NRG3: variants seen among roughly 807,000 people sequenced by gnomAD.
The protein encoded by NRG3 is pro-neuregulin-3, membrane-bound isoform.
NRG3 carries 31 observed loss-of-function variants against 66.9 expected under a neutral mutation model. The observed-to-expected ratio is 0.46, with a 90% CI of 0.35 to 0.63. The LOEUF (loss-of-function observed/expected upper bound fraction) is 0.63, where lower values mean the gene tolerates loss of function less well. NRG3 is among the 20% of genes least tolerant of loss of function. The pLI is 0.00. For synonymous variants in NRG3, 393 were observed against 359.4 expected, an observed-to-expected ratio of 1.09 and a Z score of -1.06; for missense variants, 910 against 878.9, an observed-to-expected ratio of 1.04 and a Z score of -0.45.
At chr10:81,927,459 AT>A (rs1846917402) in intron 1 of NRG3, among the ~76,000 whole-genome samples, 1 of 152,220 alleles carries the variant, frequency 6.6e-6, no homozygotes, top group Non-Finnish European at 1.5e-5. Flanking sequence ...GATCAACTTA[AT>A]ATGCTAAAAA....
intron 3 of NRG3, among the ~76,000 whole-genome samples, chr10:82,755,623 G>T (rs2059045990): frequency 6.6e-6 from 1 of 152,070 alleles, no homozygotes; most frequent in Non-Finnish European, 1.5e-5. Flanking sequence ...GAGATAGGGA[G>T]AATTCTTCCA....
At chr10:82,107,943 T>C (rs561988746) in intron 1 of NRG3, among the ~76,000 whole-genome samples, 1 of 152,342 alleles carries the variant, frequency 6.6e-6, no homozygotes, top group Admixed American at 6.5e-5. Flanking sequence ...AGGGTACTTA[T>C]TAAATGAGGG....
intron 1 of NRG3, among the ~76,000 whole-genome samples, chr10:81,956,175 G>T (rs765411022): frequency 6.6e-6 from 1 of 152,120 alleles, no homozygotes; most frequent in Admixed American, 6.5e-5. Context: ...TACAGTAGAC[G>T]TGATGTTTGG....
chr10:82,022,171 G>A lies in NRG3; in HGVS notation c.823+146008G>A, dbSNP rs146250393. On this transcript the variant is annotated intron_variant, in intron 1 of 8. Transcript: ENST00000372141. ...AGATAAGCAAAATGTGCTTCAGGTC[G>A]TCAGGCCACGGTGATTATAATTTGG... is the stretch of plus-strand genomic sequence containing the variant. 6.6e-4 allele frequency among the ~76,000 whole-genome samples: 100 copies of A among 152,120 alleles called. 1 individual carries two copies. Among genetic ancestry groups the A allele is most frequent in the Middle Eastern group, 3.4e-3 (1 of 294 alleles).
intron 1 of NRG3, among the ~76,000 whole-genome samples, chr10:82,077,946 C>T (rs764445044): frequency 2.0e-5 from 3 of 152,168 alleles, no homozygotes; most frequent in African/African-American, 4.8e-5. Flanking sequence ...TTTCTTTAGG[C>T]GGCTTTTCTC....
chr10:82,461,853 G>A (rs1244944549), intron 2 of NRG3, among the ~76,000 whole-genome samples: 3 of 152,162 alleles, frequency 2.0e-5, no homozygotes, highest in Admixed American at 6.5e-5. Context: ...ATATTAGGCC[G>A]GGTGCAGTGG....
chr10:81,924,027 T>C (rs1366684298), intron 1 of NRG3, among the ~76,000 whole-genome samples: 1 of 152,156 alleles, frequency 6.6e-6, no homozygotes, highest in Non-Finnish European at 1.5e-5. Context: ...GTGAATGCAG[T>C]GGACAGGATA....
At chr10:82,286,913 A>G (rs2079449866) in intron 1 of NRG3, among the ~76,000 whole-genome samples, 1 of 152,188 alleles carries the variant, frequency 6.6e-6, no homozygotes, top group African/African-American at 2.4e-5. Flanking sequence ...ATAGGAAGAC[A>G]CAATCTTTGT....
Position 82,292,241 on chromosome 10 carries a change from G to A in NRG3, c.824-66498G>A, listed in dbSNP as rs931627413. Among the ~76,000 whole-genome samples the A allele has an allele frequency of 5.5e-4, 84 of 151,796 alleles. 1 individual carries two copies. The highest frequency in any genetic ancestry group is 1.3e-4 in the Non-Finnish European group (9 of 67,982). On this transcript the variant is annotated intron_variant, in intron 1 of 8. Transcript: ENST00000372141. ...GATGTTGAACATTATTATCATTAGGGGAATGCAAATAAAAACCACAATTGA... is the reference window on the plus strand; with the variant it reads ...GATGTTGAACATTATTATCATTAGGAGAATGCAAATAAAAACCACAATTGA...
At chr10:82,317,229 G>A (rs1467292690) in intron 1 of NRG3, among the ~76,000 whole-genome samples, 1 of 150,602 alleles carries the variant, frequency 6.6e-6, no homozygotes, top group Non-Finnish European at 1.5e-5. Flanking sequence ...GCTGTAACAG[G>A]CATGAATTTC....
intron 7 of NRG3, among the ~76,000 whole-genome samples, chr10:82,975,512 G>A (rs1049399510): frequency 1.4e-4 from 22 of 152,164 alleles, no homozygotes; most frequent in Admixed American, 1.1e-3. Flanking sequence ...ACATCTTTAA[G>A]AGACCTTCCT....
intron 1 of NRG3, among the ~76,000 whole-genome samples, chr10:82,288,789 C>T (rs776743598): frequency 9.9e-5 from 15 of 152,180 alleles, no homozygotes; most frequent in African/African-American, 2.4e-4. Flanking sequence ...ACTGGCACAT[C>T]GGAGCATGCT....
At chr10:82,932,071 T>G (rs1203769105) in intron 4 of NRG3, among the ~76,000 whole-genome samples, 3 of 152,222 alleles carry the variant, frequency 2.0e-5, no homozygotes, top group African/African-American at 7.2e-5. Context: ...AGGGATCTTG[T>G]GCAGCATCCC....
At chr10:82,255,556 T>C (rs1307649425) in intron 1 of NRG3, among the ~76,000 whole-genome samples, 2 of 152,184 alleles carry the variant, frequency 1.3e-5, no homozygotes, top group African/African-American at 2.4e-5. Flanking sequence ...ACTTCTGTAC[T>C]GTTTTCTCAA....
At chr10:82,129,980 C>G (rs1004933352) in intron 1 of NRG3, among the ~76,000 whole-genome samples, 3 of 152,068 alleles carry the variant, frequency 2.0e-5, no homozygotes, top group African/African-American at 7.2e-5. Context: ...ACCATCCCCA[C>G]TTTCCCTGCC....
intron 2 of NRG3, among the ~76,000 whole-genome samples, chr10:82,538,544 G>A (rs367977852): frequency 3.3e-5 from 5 of 151,866 alleles, no homozygotes; most frequent in African/African-American, 1.2e-4. Flanking sequence ...CAGTTTTTTT[G>A]TGTGTGTAGG....
intron 3 of NRG3, among the ~76,000 whole-genome samples, chr10:82,857,332 A>G (rs1254095152): frequency 1.3e-5 from 2 of 152,052 alleles, no homozygotes; most frequent in Non-Finnish European, 2.9e-5. Context: ...GGGAAGAAAA[A>G]TAAAGAGATC....
intron 1 of NRG3, among the ~76,000 whole-genome samples, chr10:82,061,871 A>T (rs149076999): frequency 7.8e-6 from 1 of 128,518 alleles, no homozygotes; most frequent in Non-Finnish European, 1.7e-5. Flanking sequence ...TCACACACAC[A>T]AACACACACA....
chr10:81,927,566 T>G (rs1846926346), intron 1 of NRG3, among the ~76,000 whole-genome samples: 2 of 152,232 alleles, frequency 1.3e-5, no homozygotes, highest in Non-Finnish European at 2.9e-5. Context: ...TTTATTTACT[T>G]AGTCATTATT....
Sources: allele counts gnomAD v4.1 joint callset (sites outside exome capture counted in the v4.1 genomes callset), GRCh38; gene constraint gnomAD v4.1.1; transcripts MANE v1.5; gene names NCBI Gene and HGNC (gene_info 2026-07-23, HGNC 2026-07-21).